The following OXR1 variants were observed in gnomAD, a reference collection of about 807,000 sequenced individuals.
OXR1 encodes oxidation resistance protein 1.
A neutral mutation model predicts 104.6 loss-of-function variants in OXR1; 41 were observed. The observed-to-expected ratio is 0.39, with a 90% CI of 0.31 to 0.51. The LOEUF is 0.51. OXR1 is among the 20% of genes least tolerant of loss of function. OXR1 has a pLI of 0.77. For synonymous variants in OXR1, 348 were observed against 348.4 expected (o/e 1.00, Z 0.01); for missense variants, 955 against 1,031.9 (o/e 0.93, Z 1.02).
intron 3 of OXR1, among the ~76,000 whole-genome samples, chr8:106,563,002 A>T (rs922851704): frequency 2.0e-5 from 3 of 152,212 alleles, no homozygotes; most frequent in Non-Finnish European, 4.4e-5. Context: ...ACCAGTTATC[A>T]GCCACTGCAA....
At chr8:106,742,136 A>T in intron 14 of OXR1, 86 bp from the exon 15 acceptor site, 20 of 794,788 alleles carry the variant, frequency 2.5e-5, no homozygotes, top group Middle Eastern at 2.3e-4. Context: ...TATTTTTTGC[A>T]TTTTATTTAA....
chr8:106,596,980 G>A (rs549342682), intron 3 of OXR1, among the ~76,000 whole-genome samples: 1 of 152,206 alleles, frequency 6.6e-6, no homozygotes, highest in Admixed American at 6.5e-5. Flanking sequence ...TTGAACCTGG[G>A]AGGCGGAGGC....
chr8:106,290,178 G>A (rs566882034), intron 1 of OXR1, among the ~76,000 whole-genome samples: 1 of 152,164 alleles, frequency 6.6e-6, no homozygotes, highest in East Asian at 1.9e-4. Context: ...TTTCTACAAG[G>A]TTGGTAAAAA....
intron 3 of OXR1, among the ~76,000 whole-genome samples, chr8:106,565,039 A>C (rs1292159961): frequency 6.6e-6 from 1 of 152,226 alleles, no homozygotes; most frequent in Non-Finnish European, 1.5e-5. Flanking sequence ...GAATGGGCAG[A>C]AGCTGGAAGC....
intron 1 of OXR1, among the ~76,000 whole-genome samples, chr8:106,282,353 A>G (rs369596797): frequency 8.5e-5 from 13 of 152,326 alleles, no homozygotes; most frequent in African/African-American, 2.9e-4. Flanking sequence ...AAAACCATTT[A>G]TGCTCATCAC....
At chr8:106,281,656 C>T (rs892051843) in intron 1 of OXR1, among the ~76,000 whole-genome samples, 4 of 151,898 alleles carry the variant, frequency 2.6e-5, no homozygotes, top group East Asian at 1.9e-4. Flanking sequence ...AAAAATTAGC[C>T]GGGTGCACTG....
At chr8:106,470,951 G>A (rs1255639227) in intron 2 of OXR1, among the ~76,000 whole-genome samples, 1 of 151,778 alleles carries the variant, frequency 6.6e-6, no homozygotes, top group Non-Finnish European at 1.5e-5. Flanking sequence ...TGACCTTGAT[G>A]TGGGCAGTTT....
intron 3 of OXR1, among the ~76,000 whole-genome samples, chr8:106,621,137 G>C (rs1004364282): frequency 6.6e-6 from 1 of 152,104 alleles, no homozygotes; most frequent in Non-Finnish European, 1.5e-5. Context: ...CTGAATGCAT[G>C]CCAATCTCTG....
rs114962106 is a variant in OXR1, at chr8:106,318,445, C to G, written c.-138-41031C>G. Among the ~76,000 whole-genome samples, 1,380 of 152,252 alleles carry G rather than the reference C, an allele frequency of 9.1e-3. 26 individuals are homozygous for G. The highest frequency in any genetic ancestry group is 0.03 in the African/African-American group (1,267 of 41,550). ...AAAATGAATTTTTTTGTATGGTATT[C>G]AAGGCTTCACAAAGATCTCCCTTGC... On this transcript the variant is annotated intron_variant, in intron 1 of 16. Coordinates refer to ENST00000517566, the MANE Select transcript of OXR1 (RefSeq NM_001198533.2).
intron 6 of OXR1, 74 bp from the exon 7 acceptor site, chr8:106,692,654 G>C: frequency 4.7e-6 from 4 of 857,542 alleles, no homozygotes; most frequent in Non-Finnish European, 6.7e-6. Flanking sequence ...CTATTCATTT[G>C]ACTTTTTAAT....
intron 3 of OXR1, among the ~76,000 whole-genome samples, chr8:106,646,771 A>C (rs1824122326): frequency 6.6e-6 from 1 of 152,250 alleles, no homozygotes; most frequent in African/African-American, 2.4e-5. Flanking sequence ...AGGCAGGAAA[A>C]GAAATCTGCA....
chr8:106,670,685 G>A (rs1006303442), intron 3 of OXR1, among the ~76,000 whole-genome samples: 1 of 151,970 alleles, frequency 6.6e-6, no homozygotes, highest in Admixed American at 6.6e-5. Context: ...CTAACTGAAA[G>A]GTAAGTCAAA....
chr8:106,309,463 T>C (rs1469114267), intron 1 of OXR1, among the ~76,000 whole-genome samples: 1 of 152,152 alleles, frequency 6.6e-6, no homozygotes, highest in Non-Finnish European at 1.5e-5. Flanking sequence ...CCAGGATACG[T>C]GAGCTATTTA....
chr8:106,482,501 C>G (rs1586700434), intron 2 of OXR1, among the ~76,000 whole-genome samples: 1 of 151,748 alleles, frequency 6.6e-6, no homozygotes, highest in African/African-American at 2.4e-5. Context: ...TTCTGAACGA[C>G]TATTTCTTCA....
At chr8:106,740,522 C>T in intron 14 of OXR1, 27 bp downstream of exon 14, 1 of 1,583,106 alleles carries the variant, frequency 6.3e-7, no homozygotes, top group Non-Finnish European at 8.6e-7. Flanking sequence ...GCATAGATTG[C>T]TTATCCTTTA....
intron 2 of OXR1, among the ~76,000 whole-genome samples, chr8:106,451,384 G>C (rs1047941950): frequency 6.6e-6 from 1 of 152,104 alleles, no homozygotes; most frequent in Non-Finnish European, 1.5e-5. Flanking sequence ...AAACAAAAAA[G>C]TTATCTGTAG....
intron 1 of OXR1, among the ~76,000 whole-genome samples, chr8:106,331,951 AATTCTTTTGGC>A (rs1814732391): frequency 6.6e-6 from 1 of 150,406 alleles, no homozygotes; most frequent in East Asian, 2.0e-4. Flanking sequence ...AAAAAATGAT[AATTCTTTTGGC>A]ATTCTTTGTT....
chr8:106,692,900 A>G (rs1288177693), intron 7 of OXR1, 23 bp downstream of exon 7: 4 of 1,541,922 alleles, frequency 2.6e-6, no homozygotes. Flanking sequence ...ACTTTAGAGA[A>G]GACCTTTAAT....
At position 106,446,476 on chromosome 8, in the gene OXR1, G is replaced by T. The variant is rs371336595; in HGVS notation, c.24-72467G>T. Among the ~76,000 whole-genome samples, 5 of 152,074 alleles carry T rather than the reference G, an allele frequency of 3.3e-5. No individual in the cohort carries two copies. The East Asian group carries it at 5.8e-4, about 18-fold the overall frequency. ...CTACTAAAAATGCAAAAATTAGCCAGGCGTGGTGGTGTGTGCCTATAATCC... is the reference window on the plus strand; with the variant it reads ...CTACTAAAAATGCAAAAATTAGCCATGCGTGGTGGTGTGTGCCTATAATCC... On this transcript the variant is annotated intron_variant, in intron 2 of 16. Coordinates refer to ENST00000517566, the MANE Select transcript of OXR1 (RefSeq NM_001198533.2).
Sources: allele counts gnomAD v4.1 joint callset (sites outside exome capture counted in the v4.1 genomes callset), GRCh38; gene constraint gnomAD v4.1.1; transcripts MANE v1.5; gene names NCBI Gene and HGNC (gene_info 2026-07-23, HGNC 2026-07-21).